The following TSNARE1 variants were observed in gnomAD, a reference collection of about 807,000 sequenced individuals.
TSNARE1 encodes t-SNARE domain containing 1, also known as t-SNARE domain-containing protein 1.
A neutral mutation model predicts 62.0 loss-of-function variants in TSNARE1; 49 were observed. The ratio of observed to expected loss-of-function variants is 0.79; its 90% CI spans 0.63 to 1.00. The LOEUF (loss-of-function observed/expected upper bound fraction) is 1.00. Ranked by LOEUF, TSNARE1 falls within the 50% of genes least tolerant of loss-of-function variation. TSNARE1 has a pLI of 0.00. For synonymous variants in TSNARE1, 328 were observed against 294.4 expected (o/e 1.11, Z -1.17); for missense variants, 755 against 700.1 (o/e 1.08, Z -0.88).
In TSNARE1 at chr8:142,331,743, C is replaced by G. The variant is rs368270664; in HGVS notation, c.823+11G>C. The G allele has an allele frequency of 6.3e-7, 1 of 1,586,922 alleles. No homozygotes were observed. Among genetic ancestry groups the G allele is most frequent in the East Asian group, 2.3e-5 (1 of 42,982 alleles). ...GATGGAGGGGCAGGCCCAGGCCAGA[C>G]GCACACTCACCACTGGAGTTGATTC... is the stretch of plus-strand genomic sequence containing the variant. On this transcript the variant is annotated intron_variant, in intron 5 of 13. Transcript: ENST00000524325.
At chr8:142,388,314 T>A (rs1258874527) in intron 1 of TSNARE1, among the ~76,000 whole-genome samples, 1 of 152,000 alleles carries the variant, frequency 6.6e-6, no homozygotes, top group African/African-American at 2.4e-5. Context: ...CTTTATGGAG[T>A]TAACAGCAGA....
intron 4 of TSNARE1, among the ~76,000 whole-genome samples, chr8:142,343,724 A>G (rs538763222): frequency 7.0e-5 from 10 of 142,020 alleles, no homozygotes; most frequent in African/African-American, 2.4e-4. Flanking sequence ...GAACAAGAAC[A>G]CTCCAGATGA....
intron 4 of TSNARE1, among the ~76,000 whole-genome samples, chr8:142,333,246 TA>T (rs898398415): frequency 1.3e-5 from 2 of 152,064 alleles, no homozygotes; most frequent in African/African-American, 4.8e-5. Flanking sequence ...GAACGGCAAG[TA>T]AAGCAGCGTT....
intron 4 of TSNARE1, among the ~76,000 whole-genome samples, chr8:142,337,225 A>G (rs895742787): frequency 1.3e-5 from 2 of 152,246 alleles, no homozygotes; most frequent in Non-Finnish European, 2.9e-5. Flanking sequence ...TAATACTGAG[A>G]TGATAAAATT....
At chr8:142,242,318 A>G (rs1817703999) in intron 12 of TSNARE1, among the ~76,000 whole-genome samples, 1 of 152,230 alleles carries the variant, frequency 6.6e-6, no homozygotes, top group Non-Finnish European at 1.5e-5. Flanking sequence ...CTACTAGAAG[A>G]AAACATAGGG....
At chr8:142,370,071 C>G (rs745763332) in intron 1 of TSNARE1, among the ~76,000 whole-genome samples, 1 of 152,110 alleles carries the variant, frequency 6.6e-6, no homozygotes, top group Non-Finnish European at 1.5e-5. Flanking sequence ...CCAGAAAGAC[C>G]CTTCACCCTT....
intron 12 of TSNARE1, among the ~76,000 whole-genome samples, chr8:142,246,448 C>T (rs1817887348): frequency 1.3e-5 from 2 of 152,112 alleles, no homozygotes; most frequent in Non-Finnish European, 1.5e-5. Context: ...AGCCTCCACA[C>T]CTCTGCCCAC....
At chr8:142,359,374 C>G (rs926920157) in intron 1 of TSNARE1, among the ~76,000 whole-genome samples, 8 of 152,212 alleles carry the variant, frequency 5.3e-5, no homozygotes, top group Admixed American at 3.9e-4. Flanking sequence ...CATCATCACC[C>G]CAGCCCTGCC....
intron 9 of TSNARE1, among the ~76,000 whole-genome samples, chr8:142,312,149 T>C (rs1425971201): frequency 1.3e-5 from 2 of 152,248 alleles, no homozygotes; most frequent in Non-Finnish European, 2.9e-5. Context: ...AATGTTCCAA[T>C]GAGCATTTCC....
chr8:142,359,479 G>T (rs916255404), intron 1 of TSNARE1, among the ~76,000 whole-genome samples: 5 of 152,148 alleles, frequency 3.3e-5, no homozygotes, highest in Non-Finnish European at 5.9e-5. Flanking sequence ...TTCACTGAGG[G>T]AGGAAAGAAC....
chr8:142,229,056 T>C (rs892141352), intron 13 of TSNARE1, among the ~76,000 whole-genome samples: 1 of 142,764 alleles, frequency 7.0e-6, no homozygotes, highest in South Asian at 2.3e-4. Flanking sequence ...AGTGGATAGA[T>C]GGATAAATGG....
chr8:142,270,500 ATATTTATG>A (rs1412038237), intron 12 of TSNARE1: 7 of 900,338 alleles, frequency 7.8e-6, no homozygotes, highest in African/African-American at 4.4e-5. Context: ...ATATATATAT[ATATTTATG>A]TATTTATAAC....
Position 142,217,843 on chromosome 8 carries a change from T to G in TSNARE1, c.*12-5530A>C, listed in dbSNP as rs761304746. ...GGGTGTGAGCAGGATCAGGGCTCAG[T>G]GTGTGAGCAGGATCAGGGCTCAGTG... is the stretch of plus-strand genomic sequence containing the variant. On this transcript the variant is annotated intron_variant, in intron 13 of 13. Transcript: ENST00000524325. Among the ~76,000 whole-genome samples the G allele has an allele frequency of 3.2e-4, 23 of 72,064 alleles. 2 individuals carry two copies. Among genetic ancestry groups the G allele is most frequent in the African/African-American group, 9.3e-4 (17 of 18,318 alleles). 47.3% of individuals were successfully genotyped at this position (72,064 alleles called of 152,430 possible).
At chr8:142,337,991 C>T (rs1246436655) in intron 4 of TSNARE1, among the ~76,000 whole-genome samples, 1 of 152,192 alleles carries the variant, frequency 6.6e-6, no homozygotes, top group African/African-American at 2.4e-5. Context: ...CCAGTCCTGT[C>T]CCCAACACCC....
intron 12 of TSNARE1, among the ~76,000 whole-genome samples, chr8:142,264,116 A>T (rs12544947): frequency 0.39 from 59,641 of 152,088 alleles, 12,561 homozygotes; most frequent in African/African-American, 0.54. Flanking sequence ...AGTATTTTCA[A>T]TAGTATCCAA....
chr8:142,365,155 C>T (rs1686193018), intron 1 of TSNARE1, among the ~76,000 whole-genome samples: 1 of 152,166 alleles, frequency 6.6e-6, no homozygotes, highest in South Asian at 2.1e-4. Flanking sequence ...GCACCACATA[C>T]CCCTCTGACA....
At chr8:142,356,470 C>T (rs1419384574) in intron 1 of TSNARE1, among the ~76,000 whole-genome samples, 2 of 152,136 alleles carry the variant, frequency 1.3e-5, no homozygotes, top group Non-Finnish European at 2.9e-5. Context: ...TTCCAGGAGC[C>T]CCGAGTGAGA....
intron 6 of TSNARE1, among the ~76,000 whole-genome samples, chr8:142,327,886 C>T (rs1830484281): frequency 6.6e-6 from 1 of 152,172 alleles, no homozygotes. Flanking sequence ...CCACTGCCAT[C>T]GCTGCATGCT....
At chr8:142,282,457 G>A (rs371846974) in intron 11 of TSNARE1, among the ~76,000 whole-genome samples, 64 of 151,910 alleles carry the variant, frequency 4.2e-4, no homozygotes, top group Middle Eastern at 6.8e-3. Context: ...CTATCAATGA[G>A]CAAAGGGGAG....
Sources: gnomAD v4.1 joint callset for allele counts (sites outside exome capture counted in the v4.1 genomes callset) on GRCh38, gnomAD v4.1.1 for gene constraint, MANE v1.5 for transcripts, NCBI Gene and HGNC (gene_info 2026-07-23, HGNC 2026-07-21) for gene names.